The following DMD variants were observed in gnomAD, a reference collection of about 807,000 sequenced individuals.
DMD encodes mutant dystrophin.
DMD carries 63 observed loss-of-function variants against 330.1 expected under a neutral mutation model. The ratio of observed to expected loss-of-function variants is 0.19; its 90% confidence interval spans 0.16 to 0.24. The LOEUF is 0.24. DMD is among the 10% of genes least tolerant of loss of function. The pLI, the probability that DMD is intolerant of heterozygous loss-of-function variation, is 1.00. For missense variants in DMD, 3,344 were observed against 2,684.1 expected, an observed-to-expected ratio of 1.25 and a Z score of -5.43; for synonymous variants, 1,223 against 959.8, an observed-to-expected ratio of 1.27 and a Z score of -5.07.
intron 41 of DMD, among the ~76,000 whole-genome samples, chrX:32,312,438 A>G (rs1433011170): frequency 9.0e-6 from 1 of 111,326 alleles, no homozygotes; most frequent in African/African-American, 3.3e-5. Context: ...AAATATAGTA[A>G]TTGTGGATTA....
At chrX:31,632,090 T>A (rs1338414978) in intron 54 of DMD, among the ~76,000 whole-genome samples, 1 of 111,342 alleles carries the variant, frequency 9.0e-6, no homozygotes, top group Non-Finnish European at 1.9e-5. Context: ...AGAAATCAAA[T>A]AAGTAAGTTC....
At chrX:31,266,998 A>C (rs1044166242) in intron 62 of DMD, 1 of 787,136 alleles carries the variant, frequency 1.3e-6, no homozygotes, top group African/African-American at 2.2e-5. Context: ...CGCTGCGGGC[A>C]GACGGGGCGG....
At chrX:32,758,509 T>C (rs774566133) in intron 7 of DMD, among the ~76,000 whole-genome samples, 1 of 111,495 alleles carries the variant, frequency 9.0e-6, no homozygotes, top group African/African-American at 3.3e-5. Context: ...TTTTATTCCA[T>C]CCACTTGATA....
At chrX:32,036,037 C>T (rs879212536) in intron 44 of DMD, among the ~76,000 whole-genome samples, 2 of 111,156 alleles carry the variant, frequency 1.8e-5, no homozygotes, top group East Asian at 2.9e-4. Context: ...AAGGTTAGGG[C>T]GAAGTGTGTT....
chrX:32,986,382 C>CT (rs992213153), intron 2 of DMD, among the ~76,000 whole-genome samples: 1 of 111,465 alleles, frequency 9.0e-6, no homozygotes, highest in Non-Finnish European at 1.9e-5. Flanking sequence ...AGAAAATTAC[C>CT]TTTTTTTGGT....
At chrX:32,519,221 T>TAGAA (rs202230013) in intron 17 of DMD, among the ~76,000 whole-genome samples, 1,224 of 95,912 alleles carry the variant, frequency 0.013, 23 homozygotes, top group African/African-American at 0.045. Flanking sequence ...AAGCCAGGTG[T>TAGAA]AGAAAGACAA....
At chrX:32,929,797 G>A (rs1021183941) in intron 2 of DMD, among the ~76,000 whole-genome samples, 1 of 110,885 alleles carries the variant, frequency 9.0e-6, no homozygotes, top group African/African-American at 3.3e-5. Flanking sequence ...CCACTTATAA[G>A]ACAGAACATG....
rs889499438 is a variant in DMD, at chrX:32,573,641, C to A, written c.1705-4G>T. 3 of 1,202,638 alleles carry A rather than the reference C, an allele frequency of 2.5e-6. No individual in the cohort carries two copies. The African/African-American group carries it at 5.3e-5, about 21-fold the overall frequency. ...AAAGCCATGCACTAAAAAGGCACTGCAAGACATTAAAGAATTCCAAGGAAT... is the reference window on the plus strand; with the variant it reads ...AAAGCCATGCACTAAAAAGGCACTGAAAGACATTAAAGAATTCCAAGGAAT... On this transcript the variant is annotated splice_polypyrimidine_tract_variant and splice_region_variant and intron_variant, in intron 14 of 78. Coordinates refer to ENST00000357033, the MANE Select transcript of DMD (RefSeq NM_004006.3).
intron 44 of DMD, among the ~76,000 whole-genome samples, chrX:31,997,531 A>C (rs768815958): frequency 2.6e-4 from 29 of 110,063 alleles, no homozygotes; most frequent in African/African-American, 9.2e-4. Flanking sequence ...AATTAAGGAT[A>C]CTTTCAGAGC....
chrX:33,198,098 C>CT (rs1392279246), intron 1 of DMD, among the ~76,000 whole-genome samples: 1 of 111,239 alleles, frequency 9.0e-6, no homozygotes, highest in Non-Finnish European at 1.9e-5. Context: ...CACTGTTTTT[C>CT]TTTTTTTAAT....
chrX:32,707,456 G>T (rs571181557), intron 7 of DMD, among the ~76,000 whole-genome samples: 2 of 111,671 alleles, frequency 1.8e-5, no homozygotes, highest in Middle Eastern at 4.6e-3. Flanking sequence ...AGCTGGTGGG[G>T]AAAAGTCAGT....
intron 2 of DMD, among the ~76,000 whole-genome samples, chrX:32,913,508 T>C (rs1453002661): frequency 1.8e-5 from 2 of 111,994 alleles, no homozygotes; most frequent in Middle Eastern, 4.6e-3. Context: ...TATGAAACAT[T>C]CAGTAGCAGT....
chrX:33,151,476 T>C (rs1156400456), intron 1 of DMD, among the ~76,000 whole-genome samples: 2 of 112,297 alleles, frequency 1.8e-5, no homozygotes, highest in Non-Finnish European at 3.8e-5. Context: ...ACAAAGGTAA[T>C]TGAAAATATC....
chrX:31,993,547 A>T (rs1477105771), intron 44 of DMD, among the ~76,000 whole-genome samples: 3 of 112,001 alleles, frequency 2.7e-5, no homozygotes, highest in Non-Finnish European at 5.6e-5. Flanking sequence ...TCTGCAACAC[A>T]GAGATAAGCG....
chrX:33,220,121 T>TC (rs1234747845), intron 1 of DMD, among the ~76,000 whole-genome samples: 1 of 111,742 alleles, frequency 8.9e-6, no homozygotes, highest in Non-Finnish European at 1.9e-5. Context: ...AACCTTTTTT[T>TC]CCCTTGCCCT....
intron 1 of DMD, among the ~76,000 whole-genome samples, chrX:33,186,739 C>T (rs967529042): frequency 9.0e-6 from 1 of 111,272 alleles, no homozygotes; most frequent in African/African-American, 3.3e-5. Context: ...ACCCTAGATA[C>T]ATCTACTGCT....
At chrX:32,808,117 A>G (rs767897705) in intron 7 of DMD, among the ~76,000 whole-genome samples, 9 of 111,600 alleles carry the variant, frequency 8.1e-5, no homozygotes, top group Non-Finnish European at 1.5e-4. Context: ...CCTCCCCTAT[A>G]CTGCAAACTA....
At chrX:32,074,082 A>T in intron 44 of DMD, among the ~76,000 whole-genome samples, 1 of 111,727 alleles carries the variant, frequency 9.0e-6, no homozygotes. Context: ...TTCATTTTAT[A>T]AATAAGAAAA....
chrX:31,924,030 A>T (rs775704730), intron 47 of DMD, among the ~76,000 whole-genome samples: 1 of 112,593 alleles, frequency 8.9e-6, no homozygotes, highest in South Asian at 3.6e-4. Context: ...GGTCCCTGCT[A>T]AGACTTCCAG....
Sources: allele counts gnomAD v4.1 joint callset (sites outside exome capture counted in the v4.1 genomes callset), GRCh38; gene constraint gnomAD v4.1.1; transcripts MANE v1.5; gene names NCBI Gene and HGNC (gene_info 2026-07-23, HGNC 2026-07-21).